The following ANKRD1 variants were observed in gnomAD, a reference collection of about 807,000 sequenced individuals.
ANKRD1 encodes ankyrin repeat domain 1, also known as ankyrin repeat domain-containing protein 1.
ANKRD1 carries 32 observed loss-of-function variants against 40.1 expected under a neutral mutation model. That is an observed-to-expected ratio of 0.80 (90% CI 0.60 to 1.07). The LOEUF (loss-of-function observed/expected upper bound fraction) is 1.07. Ranked by LOEUF, ANKRD1 falls within the 50% of genes least tolerant of loss-of-function variation. The pLI is 0.00. For missense variants in ANKRD1, 359 were observed against 386.0 expected (o/e 0.93, Z 0.59); for synonymous variants, 149 against 141.2 (o/e 1.06, Z -0.39).
chr10:90,918,887 T>G lies in ANKRD1; in HGVS notation c.431A>C (p.Asn144Thr), dbSNP rs1359119128. The part of the protein sequence containing the change: ...PVVEKFLSDK[N>T]NPDVCDEYKR... ...TACCTCATCACAAACATCTGGATTGTTCTTGTCTGACAAGAATTTTTCTAC... is the reference window on the plus strand; with the variant it reads ...TACCTCATCACAAACATCTGGATTGGTCTTGTCTGACAAGAATTTTTCTAC... The change falls in exon 4 of 9, where the codon AAC becomes ACC. Residue 144 changes from asparagine (N) to threonine (T), a missense_variant. Transcript: ENST00000371697. 1.2e-6 allele frequency: 2 copies of G among 1,612,238 alleles called. No homozygotes were observed. The highest frequency in any genetic ancestry group is 1.7e-6 in the Non-Finnish European group (2 of 1,179,558).
rs2120264405 is a variant in ANKRD1 at position 90,915,545 on chromosome 10, A to G, written c.847T>C (p.Cys283Arg). The G allele has an allele frequency of 6.2e-7, 1 of 1,613,502 alleles. No homozygotes were observed. Among genetic ancestry groups the G allele is most frequent in the Non-Finnish European group, 8.5e-7 (1 of 1,179,532 alleles). Residue 283 changes from cysteine to arginine, a missense_variant and splice_region_variant, in exon 8 of 9, where the codon TGT becomes CGT. Physicochemically the swap from Cys to Arg is radical, Grantham distance 180 (BLOSUM62 -3). Coordinates refer to ENST00000371697, the MANE Select transcript of ANKRD1 (RefSeq NM_014391.3). ...MYGADLNIKNCAGKTPMDLVL... is the reference protein window; with the variant it reads ...MYGADLNIKNRAGKTPMDLVL... ...TGTTTCTTGTTTCCAGTACTTACACAGTTCTTGATGTTGAGATCCGCGCCA... is the reference window on the plus strand; with the variant it reads ...TGTTTCTTGTTTCCAGTACTTACACGGTTCTTGATGTTGAGATCCGCGCCA...
At chr10:90,916,962 C>T (rs187857931) in intron 5 of ANKRD1, among the ~76,000 whole-genome samples, 3 of 152,250 alleles carry the variant, frequency 2.0e-5, no homozygotes, top group South Asian at 2.1e-4. Flanking sequence ...AGGAGACCCT[C>T]TCCTCACTGA....
Position 90,916,249 on chromosome 10 carries a change from G to A in ANKRD1, c.573C>T (p.His191=). 8 of 1,613,902 alleles carry A rather than the reference G, an allele frequency of 5.0e-6. No homozygotes were observed. The East Asian group carries it at 1.6e-4, about 31-fold the overall frequency. The change falls in exon 6 of 9, where the codon CAC becomes CAT. Residue 191 remains histidine, a synonymous_variant. Coordinates refer to ENST00000371697, the MANE Select transcript of ANKRD1 (RefSeq NM_014391.3). ...FRDMLESTAI[H]WASRGGNLDV... is the part of the protein sequence containing the mutation. ...CCAGGTTTCCTCCACGGCTTGCCCA[G>A]TGGATGGCTGTGGATTCAAGCTATA...
At chr10:90,917,326 A>G in intron 5 of ANKRD1, among the ~76,000 whole-genome samples, 1 of 152,220 alleles carries the variant, frequency 6.6e-6, no homozygotes, top group Admixed American at 6.5e-5. Flanking sequence ...TCTCATTGGT[A>G]GCAATTGGCA....
At chr10:90,918,216 TCATTTTTAGGAGAATGGGAGA>T (rs1296137607) in intron 4 of ANKRD1, among the ~76,000 whole-genome samples, 12 of 152,198 alleles carry the variant, frequency 7.9e-5, no homozygotes, top group Admixed American at 5.2e-4. Context: ...AAGTTTCCAT[TCATTTTTAGGAGAATGGGAGA>T]CATGTTTTTA....
intron 2 of ANKRD1, among the ~76,000 whole-genome samples, chr10:90,919,651 C>T (rs1847413410): frequency 6.6e-6 from 1 of 152,180 alleles, no homozygotes; most frequent in Non-Finnish European, 1.5e-5. Context: ...AAGAATCTAA[C>T]AATAAATGTT....
intron 1 of ANKRD1, 93 bp from the exon 2 acceptor site, chr10:90,920,441 C>G: frequency 1.4e-6 from 2 of 1,437,150 alleles, no homozygotes; most frequent in South Asian, 1.1e-5. Flanking sequence ...TGGTCCTTCT[C>G]CCCTGGGAAC....
In ANKRD1 at chr10:90,912,961, T is replaced by C; in HGVS notation, c.865A>G (p.Met289Val). The C allele has an allele frequency of 6.2e-7, 1 of 1,614,056 alleles. No individual in the cohort carries two copies. Among genetic ancestry groups the C allele is most frequent in the Non-Finnish European group, 8.5e-7 (1 of 1,179,918 alleles). The change falls in exon 9 of 9, where the codon ATG becomes GTG. Residue 289 changes from methionine (M) to valine (V), a missense_variant. Met to Val is a conservative substitution (Grantham distance 21). Coordinates refer to ENST00000371697, the MANE Select transcript of ANKRD1 (RefSeq NM_014391.3). Reference protein sequence around the residue: ...NIKNCAGKTPMDLVLHWQNGT... With the variant: ...NIKNCAGKTPVDLVLHWQNGT... ...TTCTGCCAGTGTAGCACCAGATCCATCGGCGTCTTCCCAGCCTAATCAAAT... is the reference window on the plus strand; with the variant it reads ...TTCTGCCAGTGTAGCACCAGATCCACCGGCGTCTTCCCAGCCTAATCAAAT...
Position 90,912,203 on chromosome 10 carries a change from A to G in ANKRD1, c.*663T>C, listed in dbSNP as rs192215905. The G allele has an allele frequency of 6.8e-6, 1 of 146,968 alleles. No homozygotes were observed. Among genetic ancestry groups the G allele is most frequent in the Admixed American group, 7.1e-5 (1 of 14,054 alleles). The allele number at this position is 146,968 out of a possible 1,614,324, so 9.1% of individuals were successfully genotyped here. On this transcript the variant is annotated 3_prime_UTR_variant, in exon 9 of 9. Transcript: ENST00000371697. ...CTTTCATCTTTTTTGAGCAAATTCA[A>G]TTCTGCATGTCCCAGTTTGCCGCTC...
At chr10:90,914,976 C>G (rs1407137626) in intron 8 of ANKRD1, among the ~76,000 whole-genome samples, 1 of 151,822 alleles carries the variant, frequency 6.6e-6, no homozygotes, top group Admixed American at 6.6e-5. Context: ...GAAGACAAAT[C>G]CAAGTGGAGA....
At chr10:90,915,504 G>C (rs1327001892) in intron 8 of ANKRD1, 39 bp downstream of exon 8, 9 of 1,575,672 alleles carry the variant, frequency 5.7e-6, no homozygotes, top group Non-Finnish European at 7.0e-6. Context: ...CTGGAAATTG[G>C]AAAGCTTGCA....
At chr10:90,915,248 T>C (rs1170553334) in intron 8 of ANKRD1, among the ~76,000 whole-genome samples, 1 of 152,184 alleles carries the variant, frequency 6.6e-6, no homozygotes, top group East Asian at 1.9e-4. Flanking sequence ...TCTAGGTGTT[T>C]GTGGGGATGA....
chr10:90,914,728 C>CA lies in ANKRD1; in HGVS notation c.849+814_849+815insT, dbSNP rs761392215. Among the ~76,000 whole-genome samples, 172 of 124,102 alleles carry CA rather than the reference C, an allele frequency of 1.4e-3. 2 individuals are homozygous for CA. The highest frequency in any genetic ancestry group is 2.3e-3 in the Non-Finnish European group (138 of 60,964). The allele number at this position is 124,102 out of a possible 152,430, so 81.4% of individuals were successfully genotyped here. On this transcript the variant is annotated intron_variant, in intron 8 of 8. Coordinates refer to ENST00000371697, the MANE Select transcript of ANKRD1 (RefSeq NM_014391.3). ...TGATGACTGAGTTTCCCTCCCCCCCCCCCCACTCTTTTTTGTAAAGTGATT... is the reference window on the plus strand; with the variant it reads ...TGATGACTGAGTTTCCCTCCCCCCCCACCCCACTCTTTTTTGTAAAGTGATT...
chr10:90,912,348 T>C lies in ANKRD1; in HGVS notation c.*518A>G, dbSNP rs1306300070. On this transcript the variant is annotated 3_prime_UTR_variant, in exon 9 of 9. Coordinates refer to ENST00000371697, the MANE Select transcript of ANKRD1 (RefSeq NM_014391.3). The stretch of plus-strand genomic sequence containing the variant: ...CCAGCCTGGGGGTAAAATAGCTGGC[T>C]TCACTGTCCTTTTCACAGAATCACT... The C allele has an allele frequency of 6.8e-6, 1 of 147,232 alleles. No homozygotes were observed. The highest frequency in any genetic ancestry group is 2.5e-5 in the African/African-American group (1 of 39,520). 9.1% of individuals were successfully genotyped at this position (147,232 alleles called of 1,614,324 possible). A position where few individuals can be genotyped will look rare whatever the true frequency, so the allele number is the denominator to read the frequency against.
chr10:90,920,929 G>A lies in ANKRD1; in HGVS notation c.27+72C>T, dbSNP rs1847430564. 1.1e-5 allele frequency: 15 copies of A among 1,425,848 alleles called. 1 individual carries two copies. The Admixed American group carries it at 2.5e-4, about 24-fold the overall frequency. The allele number at this position is 1,425,848 out of a possible 1,614,324, so 88.3% of individuals were successfully genotyped here. A position where few individuals can be genotyped will look rare whatever the true frequency, so the allele number is the denominator to read the frequency against. On this transcript the variant is annotated intron_variant, in intron 1 of 8. Coordinates refer to ENST00000371697, the MANE Select transcript of ANKRD1 (RefSeq NM_014391.3). Reference sequence around the variant, plus strand: ...CCTTGCATTACACCTGAAAGCAAAGGGCATTTCAATTTTCAAATAAAAACC... The same window carrying A: ...CCTTGCATTACACCTGAAAGCAAAGAGCATTTCAATTTTCAAATAAAAACC...
rs775584071 is a variant in ANKRD1 at position 90,912,883 on chromosome 10, G to A, written c.943C>T (p.Arg315Cys). The change falls in exon 9 of 9, where the codon CGC becomes TGC. Residue 315 changes from arginine (R) to cysteine (C), a missense_variant. Arg to Cys is a radical substitution (Grantham distance 180). Transcript: ENST00000371697. ...SLRENSYKTS[R>C]IATF ...CGTTTGCCTCAGAATGTAGCTATGCGAGAGGTCTTGTAGGAGTTCTCTCTG... is the reference window on the plus strand; with the variant it reads ...CGTTTGCCTCAGAATGTAGCTATGCAAGAGGTCTTGTAGGAGTTCTCTCTG... The A allele has an allele frequency of 1.9e-5, 30 of 1,613,796 alleles. 2 individuals carry two copies. The highest frequency in any genetic ancestry group is 1.1e-4 in the South Asian group (10 of 91,068).
intron 1 of ANKRD1, 71 bp downstream of exon 1, chr10:90,920,930 G>T: frequency 7.0e-7 from 1 of 1,430,164 alleles, no homozygotes; most frequent in Non-Finnish European, 9.9e-7. Flanking sequence ...AAAGCAAAGG[G>T]CATTTCAATT....
intron 5 of ANKRD1, among the ~76,000 whole-genome samples, chr10:90,917,130 C>T (rs1287538232): frequency 6.6e-6 from 1 of 152,058 alleles, no homozygotes. Flanking sequence ...ATCCCGTTGC[C>T]GCTTTGCTAT....
chr10:90,919,156 A>G lies in ANKRD1; in HGVS notation c.320T>C (p.Val107Ala). 1.2e-6 allele frequency: 2 copies of G among 1,612,924 alleles called. No homozygotes were observed. Among genetic ancestry groups the G allele is most frequent in the Non-Finnish European group, 1.7e-6 (2 of 1,179,670 alleles). Residue 107 changes from valine to alanine, a missense_variant, in exon 3 of 9, where the codon GTA becomes GCA. Val to Ala is a moderately conservative substitution (Grantham distance 64). Transcript: ENST00000371697. The part of the protein sequence containing the change: ...KKYRKTKVPV[V>A]KEPEPEIITE... ...AATGATTTCAGGTTCTGGTTCCTTT[A>G]CAACTGGAACTTTAGTTTTCCTGTA...
Sources: allele counts gnomAD v4.1 joint callset (sites outside exome capture counted in the v4.1 genomes callset), GRCh38; gene constraint gnomAD v4.1.1; transcripts MANE v1.5; gene names NCBI Gene and HGNC (gene_info 2026-07-23, HGNC 2026-07-21).